ROBO1: variants seen among roughly 807,000 people sequenced by gnomAD.
The protein encoded by ROBO1 is roundabout guidance receptor 1, also known as roundabout homolog 1.
ROBO1 carries 149 observed loss-of-function variants against 195.9 expected under a neutral mutation model. That is an observed-to-expected ratio of 0.76 (90% CI 0.67 to 0.87). The LOEUF (loss-of-function observed/expected upper bound fraction) is 0.87. Among genes scored for constraint, ROBO1 ranks in the 40% least tolerant of loss-of-function variants. The pLI is 0.00. For missense variants in ROBO1, 1,933 were observed against 2,068.3 expected (o/e 0.93, Z 1.27); for synonymous variants, 816 against 733.2 (o/e 1.11, Z -1.82).
intron 2 of ROBO1, among the ~76,000 whole-genome samples, chr3:79,326,299 C>T (rs1024958983): frequency 6.6e-6 from 1 of 152,054 alleles, no homozygotes; most frequent in South Asian, 2.1e-4. Flanking sequence ...ACACCCTGTT[C>T]GTACACTCCC....
At chr3:79,685,763 T>C (rs989624209) in intron 1 of ROBO1, among the ~76,000 whole-genome samples, 1 of 152,092 alleles carries the variant, frequency 6.6e-6, no homozygotes, top group Non-Finnish European at 1.5e-5. Context: ...CAGGACCAGA[T>C]GGATTCACAG....
At chr3:79,172,643 C>T (rs1157818920) in intron 2 of ROBO1, among the ~76,000 whole-genome samples, 1 of 151,720 alleles carries the variant, frequency 6.6e-6, no homozygotes, top group Non-Finnish European at 1.5e-5. Flanking sequence ...TGTGTGTATA[C>T]CATTATTTTC....
intron 2 of ROBO1, among the ~76,000 whole-genome samples, chr3:79,324,652 A>G (rs1192022020): frequency 1.3e-5 from 2 of 152,188 alleles, no homozygotes; most frequent in African/African-American, 4.8e-5. Context: ...AGAGGGAAAG[A>G]GAAAGAGAGG....
At chr3:79,236,505 AT>A (rs980535955) in intron 2 of ROBO1, among the ~76,000 whole-genome samples, 2 of 151,794 alleles carry the variant, frequency 1.3e-5, no homozygotes. Context: ...TTCCAATAAC[AT>A]TTTTTTTGAC....
At chr3:78,677,508 G>C (rs1708511415) in intron 10 of ROBO1, among the ~76,000 whole-genome samples, 1 of 151,848 alleles carries the variant, frequency 6.6e-6, no homozygotes, top group Admixed American at 6.6e-5. Context: ...AACAAAAAAA[G>C]GCAGGGGTTG....
chr3:79,716,983 A>C (rs1197288191), intron 1 of ROBO1, among the ~76,000 whole-genome samples: 2 of 151,978 alleles, frequency 1.3e-5, no homozygotes, highest in Non-Finnish European at 2.9e-5. Flanking sequence ...TAATCATGAA[A>C]ATTTTGAACT....
chr3:78,714,804 A>C, intron 7 of ROBO1: 1 of 285,438 alleles, frequency 3.5e-6, no homozygotes, highest in Non-Finnish European at 6.5e-6. Context: ...CTAAAACAAA[A>C]AGATAGTGAC....
At chr3:79,272,751 T>C (rs2030678547) in intron 2 of ROBO1, among the ~76,000 whole-genome samples, 1 of 151,920 alleles carries the variant, frequency 6.6e-6, no homozygotes, top group South Asian at 2.1e-4. Context: ...GAATCATTCA[T>C]CCCCCACTTT....
chr3:79,069,429 A>G (rs1485690323), intron 3 of ROBO1, among the ~76,000 whole-genome samples: 4 of 151,894 alleles, frequency 2.6e-5, no homozygotes, highest in Non-Finnish European at 4.4e-5. Flanking sequence ...CTCTCTGCCC[A>G]TAACACCTAT....
chr3:79,174,483 C>T (rs985940080), intron 2 of ROBO1, among the ~76,000 whole-genome samples: 1 of 152,116 alleles, frequency 6.6e-6, no homozygotes, highest in African/African-American at 2.4e-5. Context: ...GGGTCTGCAG[C>T]GTCATTCTTG....
intron 2 of ROBO1, among the ~76,000 whole-genome samples, chr3:79,352,211 G>A (rs1197528134): frequency 6.6e-6 from 1 of 152,110 alleles, no homozygotes; most frequent in Non-Finnish European, 1.5e-5. Context: ...ATGGAGGAAG[G>A]AATAAATAAA....
intron 2 of ROBO1, among the ~76,000 whole-genome samples, chr3:79,218,550 T>C (rs941377558): frequency 1.3e-5 from 2 of 152,006 alleles, no homozygotes; most frequent in African/African-American, 4.8e-5. Flanking sequence ...TTATAGTATA[T>C]AATTAAATAT....
At chr3:79,633,783 T>G (rs1945417003) in intron 1 of ROBO1, among the ~76,000 whole-genome samples, 1 of 151,698 alleles carries the variant, frequency 6.6e-6, no homozygotes, top group African/African-American at 2.4e-5. Context: ...TTTTCAAAAT[T>G]ATTATTAAAA....
At chr3:79,569,066 G>T (rs1014422087) in intron 2 of ROBO1, among the ~76,000 whole-genome samples, 1 of 151,974 alleles carries the variant, frequency 6.6e-6, no homozygotes, top group Non-Finnish European at 1.5e-5. Flanking sequence ...TCATAGCTTT[G>T]TGTTTGGTGA....
Position 79,117,856 on chromosome 3 carries a change from A to G in ROBO1, c.172+7600T>C, listed in dbSNP as rs536233095. On this transcript the variant is annotated intron_variant, in intron 3 of 30. Transcript: ENST00000464233. ...TACAGGAATAAGTACAAGGAGAAAA[A>G]TTCATCATTGTCCAAAATTCTCTCT... is the stretch of plus-strand genomic sequence containing the variant. 5.9e-5 allele frequency among the ~76,000 whole-genome samples: 9 copies of G among 152,318 alleles called. 1 individual carries two copies. The South Asian group carries it at 1.9e-3, about 32-fold the overall frequency.
intron 4 of ROBO1, among the ~76,000 whole-genome samples, chr3:78,925,688 G>A (rs1334152913): frequency 6.6e-6 from 1 of 152,122 alleles, no homozygotes; most frequent in Non-Finnish European, 1.5e-5. Flanking sequence ...ACAGCGGTGA[G>A]AAGTAAGTGC....
intron 2 of ROBO1, among the ~76,000 whole-genome samples, chr3:79,247,531 ATT>A (rs944623783): frequency 1.3e-5 from 2 of 151,618 alleles, no homozygotes; most frequent in Non-Finnish European, 2.9e-5. Flanking sequence ...GAAAATAAAC[ATT>A]TTTTTTAAGG....
chr3:79,721,037 C>G (rs893036936), intron 1 of ROBO1, among the ~76,000 whole-genome samples: 1 of 152,102 alleles, frequency 6.6e-6, no homozygotes, highest in African/African-American at 2.4e-5. Flanking sequence ...CGTGATCCAC[C>G]CGCCTTGGCC....
chr3:78,651,010 C>T (rs1559696577), intron 19 of ROBO1, among the ~76,000 whole-genome samples: 1 of 152,124 alleles, frequency 6.6e-6, no homozygotes. Flanking sequence ...ACAAAAATAT[C>T]AGCAGTCTTC....
Sources: gnomAD v4.1 joint callset for allele counts (sites outside exome capture counted in the v4.1 genomes callset) on GRCh38, gnomAD v4.1.1 for gene constraint, MANE v1.5 for transcripts, NCBI Gene and HGNC (gene_info 2026-07-23, HGNC 2026-07-21) for gene names.